The following RHPN2 variants were observed in gnomAD, a reference collection of about 807,000 sequenced individuals.
The protein encoded by RHPN2 is rhophilin Rho GTPase binding protein 2.
A neutral mutation model predicts 79.0 loss-of-function variants in RHPN2; 40 were observed. That is an observed-to-expected ratio of 0.51 (90% CI 0.39 to 0.66). The LOEUF is 0.66. RHPN2 is among the 30% of genes least tolerant of loss of function. RHPN2 has a pLI of 0.00. For missense variants in RHPN2, 686 were observed against 883.5 expected (o/e 0.78, Z 2.83); for synonymous variants, 285 against 363.5 (o/e 0.78, Z 2.46).
At chr19:33,044,156 G>T in intron 2 of RHPN2, 93 bp downstream of exon 2, 4 of 982,374 alleles carry the variant, frequency 4.1e-6, no homozygotes, top group Non-Finnish European at 6.6e-6. Flanking sequence ...AAATGAGGAG[G>T]AAACCCAAAG....
intron 4 of RHPN2, among the ~76,000 whole-genome samples, chr19:33,018,714 C>T (rs1014910953): frequency 6.6e-6 from 1 of 152,100 alleles, no homozygotes; most frequent in South Asian, 2.1e-4. Flanking sequence ...TGAGAATGAA[C>T]GTCAAGTGCT....
At chr19:33,046,328 C>T (rs1227056734) in intron 1 of RHPN2, among the ~76,000 whole-genome samples, 2 of 152,010 alleles carry the variant, frequency 1.3e-5, no homozygotes, top group Non-Finnish European at 2.9e-5. Flanking sequence ...TGCAGTGGCT[C>T]GATCTCGGCT....
chr19:33,034,388 G>A (rs1190051378), intron 2 of RHPN2, among the ~76,000 whole-genome samples: 1 of 151,608 alleles, frequency 6.6e-6, no homozygotes, highest in Non-Finnish European at 1.5e-5. Context: ...GGCAGATCAC[G>A]AGGTCAGGAG....
intron 12 of RHPN2, among the ~76,000 whole-genome samples, chr19:32,992,823 A>AG (rs1971671718): frequency 6.6e-6 from 1 of 151,548 alleles, no homozygotes; most frequent in Non-Finnish European, 1.5e-5. Flanking sequence ...TAAAAAAAAA[A>AG]AAAAAAAAGG....
Position 33,002,293 on chromosome 19 carries a change from C to A in RHPN2, c.1059G>T (p.Ala353=). The A allele has an allele frequency of 6.2e-7, 1 of 1,613,742 alleles. No homozygotes were observed. The highest frequency in any genetic ancestry group is 1.7e-5 in the Admixed American group (1 of 60,008). ...TGGCAGTGAAGTAGTGGGCCAGGGCCGCGTAGTGGTGGGCCTTCACGCAGG... is the reference window on the plus strand; with the variant it reads ...TGGCAGTGAAGTAGTGGGCCAGGGCAGCGTAGTGGTGGGCCTTCACGCAGG... ...SLACVKAHHY[A]ALAHYFTAIL... Residue 353 remains alanine, a synonymous_variant, in exon 9 of 15, where the codon GCG becomes GCT. Transcript: ENST00000254260.
chr19:32,992,007 G>T (rs771805292), intron 12 of RHPN2, 38 bp from the exon 13 acceptor site: 2 of 1,613,274 alleles, frequency 1.2e-6, no homozygotes, highest in African/African-American at 1.3e-5. Context: ...GGATTTGAAG[G>T]CTGGATCAGA....
At chr19:32,985,948 A>T (rs1172791804) in intron 14 of RHPN2, among the ~76,000 whole-genome samples, 2 of 152,226 alleles carry the variant, frequency 1.3e-5, no homozygotes, top group African/African-American at 2.4e-5. Context: ...CATTATTTTT[A>T]AAAAAATTAA....
chr19:33,056,097 C>CTT (rs59904014), intron 1 of RHPN2, among the ~76,000 whole-genome samples: 6 of 142,644 alleles, frequency 4.2e-5, no homozygotes, highest in South Asian at 2.2e-4. Context: ...CTTTTCTTTT[C>CTT]TTTTTTTTTT....
chr19:33,042,819 G>A (rs1341589065), intron 2 of RHPN2, among the ~76,000 whole-genome samples: 4 of 152,148 alleles, frequency 2.6e-5, no homozygotes, highest in South Asian at 2.1e-4. Flanking sequence ...AGTGGCTCAC[G>A]CCTGTAATCC....
At position 33,048,725 on chromosome 19, in the gene RHPN2, C is replaced by CAAAAAAAAAAAAAAAAAA. The variant is rs58396784; in HGVS notation, c.70-4379_70-4362dup. ...TGGGTGACACAGCGAGACTCAGTCT[C>CAAAAAAAAAAAAAAAAAA]AAAAAAAAAAAAAAAAAAAACTTTA... is the stretch of plus-strand genomic sequence containing the variant. On this transcript the variant is annotated intron_variant, in intron 1 of 14. Coordinates refer to ENST00000254260, the MANE Select transcript of RHPN2 (RefSeq NM_033103.5). 1.1e-3 allele frequency among the ~76,000 whole-genome samples: 67 copies of CAAAAAAAAAAAAAAAAAA among 62,674 alleles called. 4 individuals carry two copies. The highest frequency in any genetic ancestry group is 4.4e-3 in the African/African-American group (62 of 14,132). 41.1% of individuals were successfully genotyped at this position (62,674 alleles called of 152,430 possible).
At chr19:33,031,770 C>T (rs1029558136) in intron 2 of RHPN2, among the ~76,000 whole-genome samples, 3 of 152,052 alleles carry the variant, frequency 2.0e-5, no homozygotes, top group Admixed American at 6.6e-5. Context: ...CATGCTCTGC[C>T]TCACGGGTTC....
intron 2 of RHPN2, among the ~76,000 whole-genome samples, chr19:33,040,816 T>C (rs1972094906): frequency 6.6e-6 from 1 of 151,996 alleles, no homozygotes; most frequent in Admixed American, 6.6e-5. Context: ...TAGCCAGGCA[T>C]GGTGGCACAT....
intron 11 of RHPN2, among the ~76,000 whole-genome samples, 169 bp from the exon 12 acceptor site, chr19:32,994,222 C>T (rs1220155430): frequency 6.6e-6 from 1 of 151,978 alleles, no homozygotes; most frequent in Non-Finnish European, 1.5e-5. Flanking sequence ...ATGGTGAAAC[C>T]CCATCTCTAT....
At chr19:32,984,263 G>C (rs918253996) in intron 14 of RHPN2, among the ~76,000 whole-genome samples, 22 of 152,088 alleles carry the variant, frequency 1.4e-4, no homozygotes, top group African/African-American at 4.6e-4. Flanking sequence ...ATTTGATTTT[G>C]TTTGAAAGGC....
chr19:33,000,895 C>T (rs909904244), intron 9 of RHPN2, among the ~76,000 whole-genome samples: 6 of 152,118 alleles, frequency 3.9e-5, no homozygotes, highest in African/African-American at 4.8e-5. Flanking sequence ...CAGCAATCAC[C>T]GAGGCACTAT....
chr19:33,010,165 C>T (rs1362633810), intron 6 of RHPN2, among the ~76,000 whole-genome samples: 4 of 152,160 alleles, frequency 2.6e-5, no homozygotes, highest in Non-Finnish European at 4.4e-5. Context: ...AACCACCTTT[C>T]GCCTTTTCGG....
At position 33,046,568 on chromosome 19, in the gene RHPN2, A is replaced by G. The variant is rs910186799; in HGVS notation, c.70-2204T>C. ...AGGCGTGAGCCACTGAGCCCGGTCT[A>G]GATCATATGATTTATTCTATGTTTA... On this transcript the variant is annotated intron_variant, in intron 1 of 14. Coordinates refer to ENST00000254260, the MANE Select transcript of RHPN2 (RefSeq NM_033103.5). 2.6e-5 allele frequency among the ~76,000 whole-genome samples: 4 copies of G among 152,090 alleles called. No homozygotes were observed. The East Asian group carries it at 7.7e-4, about 29-fold the overall frequency.
intron 2 of RHPN2, among the ~76,000 whole-genome samples, chr19:33,034,438 T>C (rs556593223): frequency 1.3e-5 from 2 of 151,962 alleles, no homozygotes; most frequent in South Asian, 4.2e-4. Context: ...ACCCTGTCTC[T>C]ACTAAAAATA....
At chr19:33,047,634 C>A (rs547777736) in intron 1 of RHPN2, among the ~76,000 whole-genome samples, 79 of 152,306 alleles carry the variant, frequency 5.2e-4, no homozygotes, top group African/African-American at 1.8e-3. Context: ...ACACACCTGG[C>A]CTCTCCGACC....
Sources: allele counts gnomAD v4.1 joint callset (sites outside exome capture counted in the v4.1 genomes callset), GRCh38; gene constraint gnomAD v4.1.1; transcripts MANE v1.5; gene names NCBI Gene and HGNC (gene_info 2026-07-23, HGNC 2026-07-21).